NRXN3: variants seen among roughly 807,000 people sequenced by gnomAD.
NRXN3 encodes neurexin 3.
Under a neutral mutation model 137.6 loss-of-function variants are expected in NRXN3, and 32 were observed. The ratio of observed to expected loss-of-function variants is 0.23; its 90% confidence interval spans 0.18 to 0.31. NRXN3 has a LOEUF of 0.31. NRXN3 is among the 10% of genes least tolerant of loss of function. The pLI, the probability that NRXN3 is intolerant of heterozygous loss-of-function variation, is 1.00. For synonymous variants in NRXN3, 798 were observed against 784.5 expected (o/e 1.02, Z -0.29); for missense variants, 1,574 against 2,062.5 (o/e 0.76, Z 4.59).
intron 15 of NRXN3, among the ~76,000 whole-genome samples, chr14:79,049,946 T>C (rs1202004431): frequency 1.3e-5 from 2 of 152,170 alleles, no homozygotes; most frequent in African/African-American, 4.8e-5. Flanking sequence ...CTCACTCTGT[T>C]TGTTAGACTC....
intron 15 of NRXN3, among the ~76,000 whole-genome samples, chr14:79,395,203 G>A (rs1008296540): frequency 2.0e-5 from 3 of 152,062 alleles, no homozygotes; most frequent in African/African-American, 7.2e-5. Flanking sequence ...GTTCTGCCAG[G>A]GTTCATAACT....
chr14:79,320,438 C>T (rs1180927335), intron 15 of NRXN3, among the ~76,000 whole-genome samples: 3 of 152,152 alleles, frequency 2.0e-5, no homozygotes, highest in Non-Finnish European at 2.9e-5. Flanking sequence ...GTATATGAAG[C>T]TCATGATGAT....
At chr14:78,214,252 A>G (rs916890419) in intron 1 of NRXN3, among the ~76,000 whole-genome samples, 1 of 152,094 alleles carries the variant, frequency 6.6e-6, no homozygotes, top group Non-Finnish European at 1.5e-5. Flanking sequence ...GCCTTTGTCC[A>G]TGATGTTTCC....
At chr14:79,140,210 A>G (rs143776505) in intron 15 of NRXN3, among the ~76,000 whole-genome samples, 157 of 152,252 alleles carry the variant, frequency 1.0e-3, no homozygotes, top group African/African-American at 3.6e-3. Flanking sequence ...ATTCTCTAAC[A>G]AAACTGGAAA....
At chr14:78,183,339 C>A (rs1179784238) in intron 1 of NRXN3, among the ~76,000 whole-genome samples, 1 of 152,162 alleles carries the variant, frequency 6.6e-6, no homozygotes, top group Non-Finnish European at 1.5e-5. Flanking sequence ...TTGTGTCCCA[C>A]CCTCTGCGTG....
chr14:79,734,665 G>T (rs971813054), intron 19 of NRXN3, among the ~76,000 whole-genome samples: 5 of 151,930 alleles, frequency 3.3e-5, no homozygotes, highest in South Asian at 2.1e-4. Flanking sequence ...TACTGATGAT[G>T]ATTATTTTCA....
At chr14:78,472,279 A>T (rs771106623) in intron 4 of NRXN3, among the ~76,000 whole-genome samples, 2 of 152,080 alleles carry the variant, frequency 1.3e-5, no homozygotes, top group Non-Finnish European at 2.9e-5. Context: ...TATCCTGGGG[A>T]TATGTTTTAC....
intron 16 of NRXN3, among the ~76,000 whole-genome samples, chr14:79,527,293 C>CAA (rs397954192): frequency 0.017 from 995 of 57,530 alleles, 54 homozygotes; most frequent in African/African-American, 0.02. Flanking sequence ...GACTCTGTCT[C>CAA]AAAAAAAAAA....
intron 19 of NRXN3, among the ~76,000 whole-genome samples, chr14:79,766,180 C>A (rs1419947560): frequency 6.6e-6 from 1 of 152,086 alleles, no homozygotes; most frequent in East Asian, 1.9e-4. Flanking sequence ...TCTCTGTGTG[C>A]TTGTCTAATT....
At chr14:79,145,968 A>C (rs897825114) in intron 15 of NRXN3, among the ~76,000 whole-genome samples, 1 of 152,208 alleles carries the variant, frequency 6.6e-6, no homozygotes, top group Non-Finnish European at 1.5e-5. Context: ...TACTTAACTG[A>C]TTCAAGTTCA....
At chr14:79,855,095 G>A (rs1330260308) in intron 20 of NRXN3, among the ~76,000 whole-genome samples, 1 of 151,934 alleles carries the variant, frequency 6.6e-6, no homozygotes, top group Non-Finnish European at 1.5e-5. Context: ...AGCTTTCAGG[G>A]ATCTTAAGAT....
chr14:79,848,363 A>G (rs2099384667), intron 20 of NRXN3, among the ~76,000 whole-genome samples: 1 of 152,210 alleles, frequency 6.6e-6, no homozygotes, highest in Non-Finnish European at 1.5e-5. Flanking sequence ...TCCTACCCAC[A>G]GCACACAGGG....
chr14:78,688,794 C>A (rs2098143798), intron 6 of NRXN3, among the ~76,000 whole-genome samples: 1 of 151,720 alleles, frequency 6.6e-6, no homozygotes, highest in Non-Finnish European at 1.5e-5. Context: ...ATGGAGGAGC[C>A]CTCTTCATAG....
chr14:79,547,882 A>C (rs1416623232), intron 16 of NRXN3, among the ~76,000 whole-genome samples: 1 of 152,214 alleles, frequency 6.6e-6, no homozygotes. Context: ...TCCACTATCC[A>C]TGCAAACACA....
rs1596301745 is a variant in NRXN3, at chr14:79,130,220, TATG to T, written c.3262+142083_3262+142085del. 3.9e-5 allele frequency among the ~76,000 whole-genome samples: 6 copies of T among 152,174 alleles called. No homozygotes were observed. In the East Asian group the frequency reaches 9.7e-4, roughly 25 times the overall value. On this transcript the variant is annotated intron_variant, in intron 15 of 20. Coordinates refer to ENST00000335750, the MANE Select transcript of NRXN3 (RefSeq NM_001330195.2). ...TTATGTGTGAATTTGATCCTGTCAT[TATG>T]ATGTTAGCTCGTTATTTTGTTCATT...
intron 16 of NRXN3, among the ~76,000 whole-genome samples, chr14:79,556,272 G>A (rs536197132): frequency 7.9e-5 from 12 of 152,122 alleles, no homozygotes; most frequent in Non-Finnish European, 1.5e-4. Context: ...ATTATTCTCT[G>A]AGAGGTAAGC....
intron 4 of NRXN3, among the ~76,000 whole-genome samples, chr14:78,528,343 G>A (rs1326032078): frequency 6.6e-6 from 1 of 152,178 alleles, no homozygotes; most frequent in African/African-American, 2.4e-5. Context: ...ATTTTGTGTA[G>A]TATTTTGGGG....
intron 19 of NRXN3, among the ~76,000 whole-genome samples, chr14:79,727,631 C>T (rs957578844): frequency 7.9e-5 from 12 of 152,096 alleles, no homozygotes; most frequent in African/African-American, 2.9e-4. Context: ...CCAGCCTAAA[C>T]TTTGAGGCAA....
At chr14:78,753,582 G>T (rs542625223) in intron 8 of NRXN3, 1 of 152,114 alleles carries the variant, frequency 6.6e-6, no homozygotes, top group Non-Finnish European at 1.5e-5. Flanking sequence ...GATGATAATG[G>T]CAGCTGAGAT....
Sources: allele counts gnomAD v4.1 joint callset (sites outside exome capture counted in the v4.1 genomes callset), GRCh38; gene constraint gnomAD v4.1.1; transcripts MANE v1.5; gene names NCBI Gene and HGNC (gene_info 2026-07-23, HGNC 2026-07-21).